CALN1: variants seen among roughly 807,000 people sequenced by gnomAD.
The protein encoded by CALN1 is calneuron 1.
In CALN1, 17 loss-of-function variants were observed where a neutral mutation model predicts 30.6. That is an observed-to-expected ratio of 0.56 (90% CI 0.38 to 0.83). CALN1 has a LOEUF of 0.83. CALN1 is among the 40% of genes least tolerant of loss of function. The pLI is 0.00. For missense variants in CALN1, 291 were observed against 354.9 expected, an observed-to-expected ratio of 0.82 and a Z score of 1.45; for synonymous variants, 156 against 131.4, an observed-to-expected ratio of 1.19 and a Z score of -1.28.
In CALN1 at chr7:72,365,751, G is replaced by A. The variant is rs188539420; in HGVS notation, c.119+37500C>T. Reference sequence around the variant, plus strand: ...TGACCTAAAAGGTGTGTAAGATCACGAATAATCAAAGAAACATTATCTAAT... The same window carrying A: ...TGACCTAAAAGGTGTGTAAGATCACAAATAATCAAAGAAACATTATCTAAT... On this transcript the variant is annotated intron_variant, in intron 2 of 6. Transcript: ENST00000395275. Among the ~76,000 whole-genome samples, 214 of 152,132 alleles carry A rather than the reference G, an allele frequency of 1.4e-3. 1 individual carries two copies. Among genetic ancestry groups the A allele is most frequent in the Admixed American group, 2.4e-3 (37 of 15,276 alleles).
At chr7:72,034,366 AAAAAG>A (rs1348720335) in intron 4 of CALN1, among the ~76,000 whole-genome samples, 9 of 150,986 alleles carry the variant, frequency 6.0e-5, no homozygotes, top group African/African-American at 1.9e-4. Flanking sequence ...AAAAAAAAAA[AAAAAG>A]AAAAGAAAAG....
At chr7:71,973,333 G>A (rs1473314248) in intron 5 of CALN1, among the ~76,000 whole-genome samples, 3 of 152,008 alleles carry the variant, frequency 2.0e-5, no homozygotes, top group Non-Finnish European at 4.4e-5. Context: ...GCACCATCAC[G>A]CCGAGCTAAT....
At chr7:72,061,060 C>T (rs1353371393) in intron 4 of CALN1, among the ~76,000 whole-genome samples, 1 of 152,160 alleles carries the variant, frequency 6.6e-6, no homozygotes, top group African/African-American at 2.4e-5. Flanking sequence ...AATAGTGTTG[C>T]AAAGCCTTGG....
intron 5 of CALN1, among the ~76,000 whole-genome samples, chr7:71,933,492 A>G (rs1444846365): frequency 1.3e-5 from 2 of 151,970 alleles, no homozygotes; most frequent in Non-Finnish European, 2.9e-5. Flanking sequence ...ATGTGTGTCC[A>G]TGTCCTAAAT....
intron 3 of CALN1, among the ~76,000 whole-genome samples, chr7:72,107,246 T>G (rs1807239555): frequency 6.6e-6 from 1 of 152,202 alleles, no homozygotes; most frequent in Non-Finnish European, 1.5e-5. Flanking sequence ...AGCTCCCCTC[T>G]GCAGGCATAT....
intron 5 of CALN1, among the ~76,000 whole-genome samples, chr7:71,867,053 G>C (rs1349805751): frequency 6.6e-6 from 1 of 152,004 alleles, no homozygotes; most frequent in Admixed American, 6.6e-5. Flanking sequence ...GCGGAGGCAG[G>C]GGAATCGCTT....
chr7:72,040,147 C>A (rs1472784734), intron 4 of CALN1, among the ~76,000 whole-genome samples: 3 of 152,128 alleles, frequency 2.0e-5, no homozygotes, highest in Admixed American at 2.0e-4. Context: ...CAAGGAAATT[C>A]TTTTGCCTAA....
At chr7:72,005,701 T>C (rs1347920131) in intron 5 of CALN1, among the ~76,000 whole-genome samples, 7 of 151,594 alleles carry the variant, frequency 4.6e-5, no homozygotes, top group African/African-American at 7.3e-5. Flanking sequence ...AAACGCCCAC[T>C]CCAAAATTAC....
chr7:71,815,830 C>T (rs1208511102), intron 5 of CALN1, among the ~76,000 whole-genome samples: 6 of 121,400 alleles, frequency 4.9e-5, no homozygotes, highest in Admixed American at 4.5e-4. Context: ...CTTCCTCCCT[C>T]CCTCCCTCCC....
intron 3 of CALN1, among the ~76,000 whole-genome samples, chr7:72,215,192 G>A (rs530722594): frequency 6.6e-6 from 1 of 152,252 alleles, no homozygotes; most frequent in East Asian, 1.9e-4. Flanking sequence ...ATGCATGACT[G>A]AAGATGAGGA....
At chr7:71,801,464 CT>C (rs1562791388) in intron 6 of CALN1, among the ~76,000 whole-genome samples, 1 of 151,556 alleles carries the variant, frequency 6.6e-6, no homozygotes, top group African/African-American at 2.4e-5. Context: ...ATCTATCTAT[CT>C]ATCTATCGAG....
intron 3 of CALN1, among the ~76,000 whole-genome samples, chr7:72,156,408 C>T (rs771650730): frequency 5.5e-4 from 83 of 152,276 alleles, no homozygotes; most frequent in South Asian, 1.0e-3. Flanking sequence ...AGGCACTCTC[C>T]GGCAGCATCT....
chr7:72,336,643 G>A lies in CALN1; in HGVS notation c.120-57833C>T, dbSNP rs553203858. ...GACACCCTAGAGAGAAGCGAGGACC[G>A]AGGGAAGAAGAAAAGAGAGCGCGCG... On this transcript the variant is annotated intron_variant, in intron 2 of 6. Coordinates refer to ENST00000395275, the MANE Select transcript of CALN1 (RefSeq NM_031468.4). 7.1e-5 allele frequency: 69 copies of A among 965,464 alleles called. No individual in the cohort carries two copies. The South Asian group carries it at 9.1e-4, about 13-fold the overall frequency. 59.8% of individuals were successfully genotyped at this position (965,464 alleles called of 1,614,324 possible).
chr7:71,992,425 T>C (rs1267709288), intron 5 of CALN1, among the ~76,000 whole-genome samples: 1 of 152,192 alleles, frequency 6.6e-6, no homozygotes, highest in Non-Finnish European at 1.5e-5. Flanking sequence ...GGTGCAATCA[T>C]GGCTCACTGC....
intron 1 of CALN1, among the ~76,000 whole-genome samples, chr7:72,425,160 C>A (rs1003432832): frequency 6.6e-6 from 1 of 152,166 alleles, no homozygotes; most frequent in African/African-American, 2.4e-5. Flanking sequence ...GTTGCCCAGG[C>A]TGGAGTGCAA....
In CALN1 at chr7:72,075,646, C is replaced by G. The variant is rs151111556; in HGVS notation, c.388+30505G>C. 3.2e-3 allele frequency among the ~76,000 whole-genome samples: 492 copies of G among 152,272 alleles called. 10 individuals are homozygous for G. The highest frequency in any genetic ancestry group is 0.024 in the East Asian group (122 of 5,168). On this transcript the variant is annotated intron_variant, in intron 4 of 6. Coordinates refer to ENST00000395275, the MANE Select transcript of CALN1 (RefSeq NM_031468.4). ...TTTGTCCCTGTCTTGGCCTGGGTGACAATGCTCAAGCCCAACCCTGGCCCT... is the reference window on the plus strand; with the variant it reads ...TTTGTCCCTGTCTTGGCCTGGGTGAGAATGCTCAAGCCCAACCCTGGCCCT...
At chr7:72,268,030 A>G (rs149515627) in intron 3 of CALN1, among the ~76,000 whole-genome samples, 2,089 of 152,302 alleles carry the variant, frequency 0.014, 27 homozygotes, top group Non-Finnish European at 0.019. Flanking sequence ...ATAAATAAAT[A>G]AAAATTAATA....
At chr7:71,999,968 C>A (rs958539831) in intron 5 of CALN1, among the ~76,000 whole-genome samples, 2 of 151,964 alleles carry the variant, frequency 1.3e-5, no homozygotes, top group Admixed American at 6.6e-5. Context: ...AGAAAGACAC[C>A]AGGAAAACCT....
the CALN1 span, among the ~76,000 whole-genome samples, chr7:72,459,274 C>T: frequency 9.7e-4 from 148 of 152,298 alleles, 1 homozygote; most frequent in East Asian, 4.4e-3. Flanking sequence ...TTCAACCTCA[C>T]ACCTGTGAAA....
Sources: allele counts gnomAD v4.1 joint callset (sites outside exome capture counted in the v4.1 genomes callset), GRCh38; gene constraint gnomAD v4.1.1; transcripts MANE v1.5; gene names NCBI Gene and HGNC (gene_info 2026-07-23, HGNC 2026-07-21).